DMD: variants seen among roughly 807,000 people sequenced by gnomAD.
DMD encodes the protein dystrophin.
DMD carries 63 observed loss-of-function variants against 330.1 expected under a neutral mutation model. The ratio of observed to expected loss-of-function variants is 0.19; its 90% CI spans 0.16 to 0.24. The LOEUF is 0.24. DMD is among the 10% of genes least tolerant of loss of function. The pLI is 1.00. For missense variants in DMD, 3,344 were observed against 2,684.1 expected, an observed-to-expected ratio of 1.25 and a Z score of -5.43; for synonymous variants, 1,223 against 959.8, an observed-to-expected ratio of 1.27 and a Z score of -5.07.
intron 1 of DMD, among the ~76,000 whole-genome samples, chrX:33,182,443 T>C (rs936496887): frequency 2.8e-5 from 3 of 106,853 alleles, no homozygotes; most frequent in African/African-American, 1.0e-4. Context: ...TTTCTTTTCA[T>C]TTTTTTTTTG....
At chrX:33,198,507 A>C (rs1372570989) in intron 1 of DMD, among the ~76,000 whole-genome samples, 1 of 111,835 alleles carries the variant, frequency 8.9e-6, no homozygotes, top group Non-Finnish European at 1.9e-5. Flanking sequence ...CTTTAACCAA[A>C]ATGAAAGTGC....
chrX:31,831,662 G>C (rs992138528), intron 49 of DMD, among the ~76,000 whole-genome samples: 1 of 111,241 alleles, frequency 9.0e-6, no homozygotes, highest in Non-Finnish European at 1.9e-5. Context: ...GCAGTGGCGT[G>C]ATCTCAGCTC....
intron 1 of DMD, among the ~76,000 whole-genome samples, chrX:33,198,162 T>C (rs1032791230): frequency 9.0e-6 from 1 of 111,440 alleles, no homozygotes; most frequent in Non-Finnish European, 1.9e-5. Context: ...TTAATTTGCA[T>C]TTCTTTAATG....
At chrX:32,954,800 TTC>T (rs980481041) in intron 2 of DMD, among the ~76,000 whole-genome samples, 1 of 111,485 alleles carries the variant, frequency 9.0e-6, no homozygotes, top group African/African-American at 3.3e-5. Flanking sequence ...GTATTTGATT[TTC>T]TGTTACTGTA....
intron 43 of DMD, among the ~76,000 whole-genome samples, chrX:32,229,146 A>G (rs1425873348): frequency 9.0e-6 from 1 of 111,005 alleles, no homozygotes; most frequent in African/African-American, 3.3e-5. Flanking sequence ...CTTGTGAAAG[A>G]GAAAAAATCC....
chrX:31,293,179 TGTGTGTGTGTGTGTAGTCTGGTTTA>T (rs1192538660), intron 62 of DMD, among the ~76,000 whole-genome samples: 30 of 87,739 alleles, frequency 3.4e-4, no homozygotes, highest in Non-Finnish European at 4.2e-4. Context: ...TGTGTGTGTG[TGTGTGTGTGTGTGTAGTCTGGTTTA>T]GTGTGTGTGT....
chrX:33,190,394 C>A (rs2050463142), intron 1 of DMD, among the ~76,000 whole-genome samples: 1 of 100,810 alleles, frequency 9.9e-6, no homozygotes, highest in Admixed American at 1.2e-4. Flanking sequence ...TTTCTTTAAA[C>A]TTAAATTATA....
At chrX:33,308,874 C>T (rs1272481398) in intron 1 of DMD, among the ~76,000 whole-genome samples, 1 of 111,453 alleles carries the variant, frequency 9.0e-6, no homozygotes, top group East Asian at 2.8e-4. Context: ...AGGATGCCAG[C>T]CGCCACAGAC....
intron 1 of DMD, among the ~76,000 whole-genome samples, chrX:33,102,928 G>T (rs1444811564): frequency 8.9e-6 from 1 of 111,825 alleles, no homozygotes; most frequent in Non-Finnish European, 1.9e-5. Flanking sequence ...AATGGCAAGT[G>T]GTATGGAAGC....
At chrX:31,272,420 C>T (rs1216888669) in intron 62 of DMD, among the ~76,000 whole-genome samples, 10 of 112,043 alleles carry the variant, frequency 8.9e-5, no homozygotes, top group Non-Finnish European at 1.5e-4. Flanking sequence ...CTGACTACAG[C>T]ATTCCTGGTC....
At chrX:33,066,456 A>AG (rs1258572352) in intron 1 of DMD, among the ~76,000 whole-genome samples, 1 of 68,744 alleles carries the variant, frequency 1.5e-5, no homozygotes, top group Non-Finnish European at 2.3e-5. Context: ...CAAAAAAAAA[A>AG]AAAAAAAGGA....
chrX:32,128,749 A>C (rs1269829768), intron 44 of DMD, among the ~76,000 whole-genome samples: 1 of 112,132 alleles, frequency 8.9e-6, no homozygotes, highest in Non-Finnish European at 1.9e-5. Context: ...TCACATAAGG[A>C]AAATATGTTT....
At chrX:31,208,235 T>C (rs1361870125) in intron 65 of DMD, among the ~76,000 whole-genome samples, 1 of 111,473 alleles carries the variant, frequency 9.0e-6, no homozygotes, top group Non-Finnish European at 1.9e-5. Context: ...AAAGAAATCC[T>C]GGGCACTAAT....
chrX:32,418,598 A>G (rs997305336), intron 29 of DMD, among the ~76,000 whole-genome samples: 1 of 111,338 alleles, frequency 9.0e-6, no homozygotes, highest in Non-Finnish European at 1.9e-5. Flanking sequence ...ACCAATTTAA[A>G]TTCCTGAAGC....
At position 32,851,870 on chromosome X, in the gene DMD, C is replaced by A. The variant is rs183020688; in HGVS notation, c.94-2050G>T. On this transcript the variant is annotated intron_variant, in intron 2 of 78. Transcript: ENST00000357033. ...AGGGCACATTTAGACCAGCCCTATC[C>A]AGGGAGGTATCACCCATCTCAGCAG... 9.6e-3 allele frequency among the ~76,000 whole-genome samples: 1,074 copies of A among 112,054 alleles called. 13 individuals are homozygous for A. Among genetic ancestry groups the A allele is most frequent in the African/African-American group, 0.032 (1,000 of 30,816 alleles).
chrX:32,052,847 A>T (rs2147541557), intron 44 of DMD, among the ~76,000 whole-genome samples: 1 of 111,374 alleles, frequency 9.0e-6, no homozygotes, highest in Non-Finnish European at 1.9e-5. Flanking sequence ...GATGAACTGT[A>T]ATTGTCATAG....
At chrX:31,822,832 C>T (rs2149437566) in intron 49 of DMD, among the ~76,000 whole-genome samples, 1 of 110,530 alleles carries the variant, frequency 9.0e-6, no homozygotes, top group South Asian at 3.8e-4. Flanking sequence ...ATCTTTTATT[C>T]TTTAATTCAT....
chrX:33,238,907 C>G (rs775167434), intron 1 of DMD, among the ~76,000 whole-genome samples: 2 of 110,750 alleles, frequency 1.8e-5, no homozygotes, highest in Non-Finnish European at 3.8e-5. Context: ...CCTGCATGCA[C>G]CCTTGCTACT....
chrX:32,273,837 A>C (rs1344918945), intron 43 of DMD, among the ~76,000 whole-genome samples: 2 of 111,808 alleles, frequency 1.8e-5, no homozygotes, highest in Non-Finnish European at 3.8e-5. Context: ...TTGGCTGCAA[A>C]CTTCCAGGGT....
Sources: gnomAD v4.1 joint callset for allele counts (sites outside exome capture counted in the v4.1 genomes callset) on GRCh38, gnomAD v4.1.1 for gene constraint, MANE v1.5 for transcripts, NCBI Gene and HGNC (gene_info 2026-07-23, HGNC 2026-07-21) for gene names.